Variants in FHIT observed in about 807,000 individuals in gnomAD.
The protein encoded by FHIT is fragile histidine triad diadenosine triphosphatase, also known as bis(5'-adenosyl)-triphosphatase.
FHIT carries 19 observed loss-of-function variants against 17.9 expected under a neutral mutation model. That is an observed-to-expected ratio of 1.06 (90% CI 0.74 to 1.56). The LOEUF (loss-of-function observed/expected upper bound fraction) is 1.56, where lower values mean the gene tolerates loss of function less well. Ranked by LOEUF, FHIT falls within the 40% of genes most tolerant of loss-of-function variation. The pLI is 0.00. For synonymous variants in FHIT, 81 were observed against 69.7 expected (o/e 1.16, Z -0.81); for missense variants, 248 against 189.2 (o/e 1.31, Z -1.82).
chr3:59,849,350 G>A (rs1701844061), intron 8 of FHIT, among the ~76,000 whole-genome samples: 1 of 152,014 alleles, frequency 6.6e-6, no homozygotes, highest in South Asian at 2.1e-4. Flanking sequence ...TCCAGCCTGG[G>A]TGACAGAATG....
At chr3:61,093,385 G>C (rs1172433279) in intron 2 of FHIT, among the ~76,000 whole-genome samples, 1 of 152,098 alleles carries the variant, frequency 6.6e-6, no homozygotes, top group Non-Finnish European at 1.5e-5. Flanking sequence ...GAGGGTAGAG[G>C]GTGCTTCTGG....
chr3:60,583,088 G>T (rs1282226865), intron 4 of FHIT, among the ~76,000 whole-genome samples: 1 of 151,716 alleles, frequency 6.6e-6, no homozygotes, highest in Non-Finnish European at 1.5e-5. Context: ...AAGAAAACAG[G>T]AGGAAAAAAC....
At chr3:60,242,245 T>C (rs1212654389) in intron 5 of FHIT, among the ~76,000 whole-genome samples, 1 of 152,140 alleles carries the variant, frequency 6.6e-6, no homozygotes, top group African/African-American at 2.4e-5. Flanking sequence ...TGTAGCTGTA[T>C]ATTTCAAATA....
chr3:60,519,395 C>T (rs551339583), intron 5 of FHIT, among the ~76,000 whole-genome samples: 2 of 152,242 alleles, frequency 1.3e-5, no homozygotes, highest in South Asian at 2.1e-4. Context: ...ACAGTTGGCC[C>T]TTGAACAATT....
intron 5 of FHIT, among the ~76,000 whole-genome samples, chr3:60,203,910 G>A (rs769810571): frequency 1.4e-4 from 22 of 152,122 alleles, no homozygotes; most frequent in Admixed American, 3.3e-4. Context: ...AACTTGTGAA[G>A]ACAGAGTAGA....
chr3:60,414,240 T>G (rs745329022), intron 5 of FHIT, among the ~76,000 whole-genome samples: 3 of 152,196 alleles, frequency 2.0e-5, no homozygotes, highest in Non-Finnish European at 2.9e-5. Flanking sequence ...GATTCAGTAG[T>G]TCTGGAGTCA....
chr3:60,500,953 G>A (rs1015523747), intron 5 of FHIT, among the ~76,000 whole-genome samples: 3 of 151,786 alleles, frequency 2.0e-5, no homozygotes, highest in African/African-American at 7.3e-5. Context: ...GCACATATTC[G>A]GTTGGTGCAA....
intron 5 of FHIT, among the ~76,000 whole-genome samples, chr3:60,330,344 A>T (rs1035049821): frequency 1.3e-5 from 2 of 152,158 alleles, no homozygotes; most frequent in African/African-American, 4.8e-5. Flanking sequence ...TTGCTGCTAC[A>T]GTCAAGCACT....
rs116274190 is a variant in FHIT, at chr3:60,326,709, A to G, written c.103+210151T>C. 9.0e-3 allele frequency among the ~76,000 whole-genome samples: 1,369 copies of G among 152,308 alleles called. 18 individuals carry two copies. Among genetic ancestry groups the G allele is most frequent in the Middle Eastern group, 0.02 (6 of 294 alleles). The stretch of plus-strand genomic sequence containing the variant: ...TTTAAAAAATGGACGATGTCCCCTT[A>G]ACAGTATTTTCTGCCTGAGTCCAGA... On this transcript the variant is annotated intron_variant, in intron 5 of 9. Transcript: ENST00000492590.
At chr3:60,635,540 C>A (rs72872750) in intron 4 of FHIT, among the ~76,000 whole-genome samples, 2,055 of 152,276 alleles carry the variant, frequency 0.013, 61 homozygotes, top group African/African-American at 0.048. Context: ...GAATTTAAGT[C>A]ATCTATTTGT....
chr3:60,913,255 G>C (rs1553766349), intron 3 of FHIT, among the ~76,000 whole-genome samples: 1 of 152,202 alleles, frequency 6.6e-6, no homozygotes, highest in African/African-American at 2.4e-5. Flanking sequence ...ATATACAGAT[G>C]AATGAGCCAG....
At chr3:59,879,024 A>G (rs975293841) in intron 8 of FHIT, among the ~76,000 whole-genome samples, 49 of 141,746 alleles carry the variant, frequency 3.5e-4, no homozygotes, top group African/African-American at 1.3e-3. Context: ...AAAAAAAAAG[A>G]AGAAGAAGAA....
chr3:61,124,190 T>C (rs1043513811), intron 2 of FHIT, among the ~76,000 whole-genome samples: 2 of 152,208 alleles, frequency 1.3e-5, no homozygotes, highest in Non-Finnish European at 2.9e-5. Flanking sequence ...GAATTTTATA[T>C]TTTAAAACCA....
At chr3:59,990,313 G>C (rs1030288238) in intron 7 of FHIT, among the ~76,000 whole-genome samples, 1 of 152,050 alleles carries the variant, frequency 6.6e-6, no homozygotes, top group Non-Finnish European at 1.5e-5. Context: ...TCAGTGCCAA[G>C]CACCATGTTG....
At chr3:60,473,972 G>A (rs1257609697) in intron 5 of FHIT, among the ~76,000 whole-genome samples, 2 of 151,932 alleles carry the variant, frequency 1.3e-5, no homozygotes, top group African/African-American at 4.8e-5. Flanking sequence ...AATTGTACCT[G>A]GAGATGTATG....
At chr3:61,090,476 C>T (rs992659766) in intron 2 of FHIT, among the ~76,000 whole-genome samples, 6 of 152,174 alleles carry the variant, frequency 3.9e-5, no homozygotes, top group Non-Finnish European at 8.8e-5. Flanking sequence ...TTTCTAGTCT[C>T]ACAGGGATTT....
At chr3:60,054,970 C>A (rs559622471) in intron 5 of FHIT, among the ~76,000 whole-genome samples, 1 of 152,194 alleles carries the variant, frequency 6.6e-6, no homozygotes, top group Non-Finnish European at 1.5e-5. Flanking sequence ...CTCCAAACTC[C>A]CACTGATCTG....
intron 5 of FHIT, among the ~76,000 whole-genome samples, chr3:60,275,980 T>C (rs213351): frequency 0.61 from 92,440 of 151,574 alleles, 29,590 homozygotes; most frequent in East Asian, 0.93. Context: ...TTTTGAGAAT[T>C]TGTTTTTGCA....
intron 5 of FHIT, among the ~76,000 whole-genome samples, chr3:60,415,406 C>A (rs1450155517): frequency 6.6e-6 from 1 of 152,120 alleles, no homozygotes; most frequent in Non-Finnish European, 1.5e-5. Context: ...TTCAATGATA[C>A]TGAGCTCATG....
Sources: allele counts gnomAD v4.1 joint callset (sites outside exome capture counted in the v4.1 genomes callset), GRCh38; gene constraint gnomAD v4.1.1; transcripts MANE v1.5; gene names NCBI Gene and HGNC (gene_info 2026-07-23, HGNC 2026-07-21).